NEK1: variants seen among roughly 807,000 people sequenced by gnomAD.
NEK1 encodes serine/threonine-protein kinase Nek1.
NEK1 carries 137 observed loss-of-function variants against 182.1 expected under a neutral mutation model. The ratio of observed to expected loss-of-function variants is 0.75; its 90% confidence interval spans 0.65 to 0.87. The LOEUF is 0.87. Among genes scored for constraint, NEK1 ranks in the 40% least tolerant of loss-of-function variants. The probability of loss-of-function intolerance (pLI) is 0.00; values close to 1 mark genes in which losing one functional copy is unlikely to be tolerated. For missense variants in NEK1, 1,391 were observed against 1,494.4 expected (o/e 0.93, Z 1.14); for synonymous variants, 513 against 492.2 (o/e 1.04, Z -0.56).
intron 32 of NEK1, among the ~76,000 whole-genome samples, chr4:169,402,668 C>G (rs769829717): frequency 4.6e-5 from 7 of 152,092 alleles, no homozygotes; most frequent in Non-Finnish European, 1.0e-4. Context: ...TCCTACTACT[C>G]AAATTTTATC....
Position 169,507,764 on chromosome 4 carries a change from T to A in NEK1, c.1862A>T (p.Glu621Val). Residue 621 changes from glutamate to valine, a missense_variant, in exon 22 of 36, where the codon GAA becomes GTA. Glu to Val is a moderately radical substitution (Grantham distance 121, BLOSUM62 -2). Around this residue, in one of 5 missense-constraint regions of NEK1, gnomAD observed 1,216 missense variants for 1,277.6 expected, o/e 0.95. Coordinates refer to ENST00000507142, the MANE Select transcript of NEK1 (RefSeq NM_001199397.3). ...KKEANHSEGQ[E>V]GSEEADMRRK... ...CCTCATGTCAGCCTCTTCACTTCCTTCTTGTCCTTCAGAATGATTAGCTTC... is the reference window on the plus strand; with the variant it reads ...CCTCATGTCAGCCTCTTCACTTCCTACTTGTCCTTCAGAATGATTAGCTTC... 2 of 1,613,176 alleles carry A rather than the reference T, an allele frequency of 1.2e-6. No individual in the cohort carries two copies. Among genetic ancestry groups the A allele is most frequent in the African/African-American group, 2.7e-5 (2 of 75,050 alleles).
At chr4:169,500,965 T>C (rs1343660419) in intron 23 of NEK1, among the ~76,000 whole-genome samples, 2 of 152,158 alleles carry the variant, frequency 1.3e-5, no homozygotes, top group Middle Eastern at 3.4e-3. Context: ...GAATGGCAAA[T>C]TGGATGAAAA....
rs1336569785 is a variant in NEK1 at position 169,602,093 on chromosome 4, T to C, written c.129A>G (p.Lys43=). Residue 43 remains lysine (K), a synonymous_variant, in exon 4 of 36, where the codon AAA becomes AAG. Transcript: ENST00000507142. ...KEINISRMSS[K]EREESRREVA... is the part of the protein sequence containing the mutation. ...CTTCTCTCCTTGATTCTTCTCTTTCTTTACTGGACATCTTAAATGGGAGGA... is the reference window on the plus strand; with the variant it reads ...CTTCTCTCCTTGATTCTTCTCTTTCCTTACTGGACATCTTAAATGGGAGGA... 6.2e-7 allele frequency: 1 copy of C among 1,611,616 alleles called. No homozygotes were observed. The highest frequency in any genetic ancestry group is 1.7e-5 in the Admixed American group (1 of 60,018).
intron 23 of NEK1, among the ~76,000 whole-genome samples, chr4:169,479,816 C>G (rs1004315909): frequency 3.3e-5 from 5 of 152,104 alleles, no homozygotes; most frequent in African/African-American, 1.2e-4. Flanking sequence ...TCCTGAAAAA[C>G]TGTCTTTTAA....
At position 169,537,570 on chromosome 4, in the gene NEK1, C is replaced by T. The variant is rs55741453; in HGVS notation, c.1665+239G>A. On this transcript the variant is annotated intron_variant, in intron 19 of 35. Coordinates refer to ENST00000507142, the MANE Select transcript of NEK1 (RefSeq NM_001199397.3). Reference sequence around the variant, plus strand: ...GAAGGATACAGGTATGAACTTACTCCCAATTAACCAAAGCAACAATAGAAT... The same window carrying T: ...GAAGGATACAGGTATGAACTTACTCTCAATTAACCAAAGCAACAATAGAAT... 0.013 allele frequency among the ~76,000 whole-genome samples: 1,997 copies of T among 152,126 alleles called. 39 individuals are homozygous for T. The highest frequency in any genetic ancestry group is 0.045 in the African/African-American group (1,879 of 41,468).
chr4:169,611,637 CTG>C (rs1384187229), intron 2 of NEK1, among the ~76,000 whole-genome samples: 3 of 152,174 alleles, frequency 2.0e-5, no homozygotes, highest in Non-Finnish European at 2.9e-5. Flanking sequence ...CATATGGAAA[CTG>C]TGTCAAATCA....
Position 169,598,807 on chromosome 4 carries a change from A to G in NEK1, c.312+293T>C, listed in dbSNP as rs1170642723. On this transcript the variant is annotated intron_variant, in intron 5 of 35. Coordinates refer to ENST00000507142, the MANE Select transcript of NEK1 (RefSeq NM_001199397.3). ...AGTCTGGCAGCAGTAAGCCAGATTG[A>G]CAGAATATAGACTAGTCAGTTATAA... is the stretch of plus-strand genomic sequence containing the variant. 2.0e-5 allele frequency among the ~76,000 whole-genome samples: 3 copies of G among 152,206 alleles called. 1 individual carries two copies. Among genetic ancestry groups the G allele is most frequent in the Non-Finnish European group, 1.5e-5 (1 of 68,034 alleles).
chr4:169,611,473 T>C (rs968975094), intron 2 of NEK1, among the ~76,000 whole-genome samples: 1 of 152,194 alleles, frequency 6.6e-6, no homozygotes, highest in African/African-American at 2.4e-5. Flanking sequence ...TTAGATTGGA[T>C]GCCACTTTTA....
intron 27 of NEK1, among the ~76,000 whole-genome samples, chr4:169,443,051 T>TTATCTATCTATCTATC (rs58470007): frequency 0.013 from 1,893 of 141,758 alleles, 22 homozygotes; most frequent in African/African-American, 0.016. Flanking sequence ...TAAAAATATT[T>TTATCTATCTATCTATC]TATCTATCTA....
chr4:169,575,011 A>C (rs1412813087), intron 12 of NEK1, among the ~76,000 whole-genome samples: 2 of 151,912 alleles, frequency 1.3e-5, no homozygotes, highest in African/African-American at 4.8e-5. Flanking sequence ...AATGACAAAA[A>C]CCCCAACTAC....
chr4:169,499,305 A>AT (rs145429642), intron 23 of NEK1, among the ~76,000 whole-genome samples: 7 of 151,346 alleles, frequency 4.6e-5, no homozygotes, highest in Middle Eastern at 3.4e-3. Context: ...CATTCATCTA[A>AT]TTTTTTTTTC....
chr4:169,473,097 C>T (rs956179705), intron 26 of NEK1, among the ~76,000 whole-genome samples: 3 of 56,338 alleles, frequency 5.3e-5, no homozygotes, highest in Non-Finnish European at 9.0e-5. Flanking sequence ...CCATCTCTAA[C>T]AAAAAAGAAA....
At chr4:169,422,784 G>T (rs1009930547) in intron 31 of NEK1, among the ~76,000 whole-genome samples, 1 of 152,036 alleles carries the variant, frequency 6.6e-6, no homozygotes, top group African/African-American at 2.4e-5. Flanking sequence ...GGTCATAAAA[G>T]AAAATCAAAC....
chr4:169,448,351 G>A (rs1156724718), intron 27 of NEK1, among the ~76,000 whole-genome samples: 1 of 152,102 alleles, frequency 6.6e-6, no homozygotes, highest in Non-Finnish European at 1.5e-5. Flanking sequence ...TTTGGTATCT[G>A]TTTTTGCAAT....
At position 169,585,416 on chromosome 4, in the gene NEK1, G is replaced by C; in HGVS notation, c.740C>G (p.Pro247Arg). ...TTTCTCCAATATGGAGTTGACTGAT[G>C]GTCTATCCCTAGGATTTCTTTTAAA... ...QLFKRNPRDR[P>R]SVNSILEKGF... Residue 247 changes from proline (P) to arginine (R), a missense_variant, in exon 10 of 36, where the codon CCA (proline) becomes CGA (arginine). Around this residue, in one of 5 missense-constraint regions of NEK1, gnomAD observed 1,216 missense variants for 1,277.6 expected, o/e 0.95. Transcript: ENST00000507142. 6.2e-7 allele frequency: 1 copy of C among 1,613,466 alleles called. No individual in the cohort carries two copies. Among genetic ancestry groups the C allele is most frequent in the Non-Finnish European group, 8.5e-7 (1 of 1,179,610 alleles).
intron 19 of NEK1, among the ~76,000 whole-genome samples, chr4:169,533,682 T>G (rs73864708): frequency 0.013 from 2,003 of 152,296 alleles, 39 homozygotes; most frequent in African/African-American, 0.045. Flanking sequence ...AAAGAATATA[T>G]TCCAGTGAGC....
chr4:169,407,285 G>A (rs1022755272), intron 31 of NEK1, among the ~76,000 whole-genome samples: 9 of 152,260 alleles, frequency 5.9e-5, no homozygotes, highest in Admixed American at 4.6e-4. Context: ...CTGAAGTTTG[G>A]CTAAGCACCA....
At chr4:169,445,842 C>CTATATA (rs1206499120) in intron 27 of NEK1, among the ~76,000 whole-genome samples, 1 of 108,538 alleles carries the variant, frequency 9.2e-6, no homozygotes, top group African/African-American at 4.8e-5. Flanking sequence ...AACAAAACAA[C>CTATATA]TATATACATA....
At chr4:169,549,915 G>A (rs569647662) in intron 18 of NEK1, among the ~76,000 whole-genome samples, 9 of 152,104 alleles carry the variant, frequency 5.9e-5, no homozygotes, top group African/African-American at 2.2e-4. Flanking sequence ...TAGAGATGGG[G>A]TTTCACCATG....
Sources: gnomAD v4.1 joint callset for allele counts (sites outside exome capture counted in the v4.1 genomes callset) on GRCh38, gnomAD v4.1.1 for gene constraint, gnomAD v4.1.1 regional missense constraint, MANE v1.5 for transcripts, NCBI Gene and HGNC (gene_info 2026-07-23, HGNC 2026-07-21) for gene names.